Variants in UBR1 observed in about 807,000 individuals in gnomAD.
UBR1 encodes E3 ubiquitin-protein ligase UBR1.
In UBR1, 102 loss-of-function variants were observed where a neutral mutation model predicts 242.1. That is an observed-to-expected ratio of 0.42 (90% CI 0.36 to 0.50). The LOEUF (loss-of-function observed/expected upper bound fraction) is 0.50. UBR1 is among the 20% of genes least tolerant of loss of function. The pLI is 0.01. For missense variants in UBR1, 1,772 were observed against 2,101.8 expected (o/e 0.84, Z 3.07); for synonymous variants, 675 against 684.8 (o/e 0.99, Z 0.22).
chr15:42,988,911 T>C lies in UBR1; in HGVS notation c.3905A>G (p.Tyr1302Cys), dbSNP rs2032515198. The change falls in exon 35 of 47, where the codon TAT (tyrosine) becomes TGT (cysteine). Residue 1302 changes from tyrosine (Y) to cysteine (C), a missense_variant. This residue lies in a region of UBR1 where 965 missense variants were observed against 1,079.7 expected (regional missense o/e 0.89). Coordinates refer to ENST00000290650, the MANE Select transcript of UBR1 (RefSeq NM_174916.3). ...AGGTGGCACTTTCAATCCAATTCTA[T>C]AAATTGTTGTGGCAAAGAGAATAAC... ...EMVILFATTI[Y>C]RIGLKVPPDE... 6.2e-7 allele frequency: 1 copy of C among 1,612,678 alleles called. No individual in the cohort carries two copies. The highest frequency in any genetic ancestry group is 8.5e-7 in the Non-Finnish European group (1 of 1,178,748).
chr15:42,995,188 T>TA (rs564089609), intron 33 of UBR1, among the ~76,000 whole-genome samples: 98 of 152,154 alleles, frequency 6.4e-4, no homozygotes, highest in African/African-American at 2.2e-3. Flanking sequence ...AAAATAACAA[T>TA]AAAAAAACTG....
chr15:43,044,601 A>AT (rs2033460482), intron 14 of UBR1, among the ~76,000 whole-genome samples: 1 of 152,198 alleles, frequency 6.6e-6, no homozygotes, highest in Non-Finnish European at 1.5e-5. Flanking sequence ...GGTTTTAGAA[A>AT]TTCAGTAGCG....
At chr15:43,042,800 T>G (rs1178212623) in intron 15 of UBR1, among the ~76,000 whole-genome samples, 1 of 152,174 alleles carries the variant, frequency 6.6e-6, no homozygotes, top group Non-Finnish European at 1.5e-5. Flanking sequence ...AATGGCCAAT[T>G]TACATGGAAA....
chr15:43,104,642 A>G (rs1435723873), intron 1 of UBR1, among the ~76,000 whole-genome samples: 1 of 151,968 alleles, frequency 6.6e-6, no homozygotes, highest in Non-Finnish European at 1.5e-5. Flanking sequence ...CTCATGCCGT[A>G]GCTCCCTCTG....
intron 27 of UBR1, 69 bp from the exon 28 acceptor site, chr15:43,017,250 C>T (rs941527776): frequency 1.9e-6 from 2 of 1,076,956 alleles, no homozygotes; most frequent in African/African-American, 3.1e-5. Flanking sequence ...CAGAAACATT[C>T]ACTAATCTGA....
Position 43,067,897 on chromosome 15 carries a change from C to A in UBR1, c.798+1G>T. On this transcript the variant is annotated splice_donor_variant, in intron 6 of 46. Coordinates refer to ENST00000290650, the MANE Select transcript of UBR1 (RefSeq NM_174916.3). LOFTEE classifies it high-confidence loss of function. ...ACGCAATTCAAAAGGAGACCACAAA[C>A]CTCTTTGTCAATGGCAGTGGTATGC... The A allele has an allele frequency of 6.2e-7, 1 of 1,614,018 alleles. No homozygotes were observed. Among genetic ancestry groups the A allele is most frequent in the Non-Finnish European group, 8.5e-7 (1 of 1,180,002 alleles).
chr15:42,991,040 C>T (rs936198433), intron 33 of UBR1, among the ~76,000 whole-genome samples: 1 of 151,562 alleles, frequency 6.6e-6, no homozygotes, highest in African/African-American at 2.4e-5. Flanking sequence ...TTTGGGAGGC[C>T]GCAGTGAGAG....
intron 39 of UBR1, among the ~76,000 whole-genome samples, chr15:42,974,573 T>C (rs937453448): frequency 6.6e-6 from 1 of 152,200 alleles, no homozygotes; most frequent in Non-Finnish European, 1.5e-5. Flanking sequence ...CATATATACT[T>C]CATGTATTTA....
At chr15:43,000,850 T>A (rs989040311) in intron 32 of UBR1, among the ~76,000 whole-genome samples, 1 of 152,226 alleles carries the variant, frequency 6.6e-6, no homozygotes, top group Non-Finnish European at 1.5e-5. Context: ...TTATTTATTT[T>A]TGACACAGAG....
chr15:43,094,156 G>A (rs1004915999), intron 1 of UBR1, among the ~76,000 whole-genome samples: 1 of 152,070 alleles, frequency 6.6e-6, no homozygotes, highest in Non-Finnish European at 1.5e-5. Flanking sequence ...TTCTGAAAAG[G>A]CGTGGTGGCT....
At position 43,074,972 on chromosome 15, in the gene UBR1, T is replaced by C; in HGVS notation, c.528+7A>G. On this transcript the variant is annotated splice_region_variant and intron_variant, in intron 4 of 46. Coordinates refer to ENST00000290650, the MANE Select transcript of UBR1 (RefSeq NM_174916.3). ...GTTAACAATTTTTAACAAAATAGCA[T>C]TCTTACCTCTTTTATAGTACCTGCT... The C allele has an allele frequency of 1.2e-6, 2 of 1,600,244 alleles. No individual in the cohort carries two copies. Among genetic ancestry groups the C allele is most frequent in the Non-Finnish European group, 1.7e-6 (2 of 1,167,296 alleles).
chr15:43,029,036 G>A (rs1209797403), intron 21 of UBR1, among the ~76,000 whole-genome samples: 2 of 152,152 alleles, frequency 1.3e-5, no homozygotes, highest in Admixed American at 6.5e-5. Context: ...AGTGAGCCAA[G>A]ATTGTGCCAC....
intron 3 of UBR1, among the ~76,000 whole-genome samples, chr15:43,076,389 G>A (rs1264858693): frequency 1.3e-5 from 2 of 152,148 alleles, no homozygotes; most frequent in African/African-American, 4.8e-5. Context: ...TGCAGCCTCT[G>A]CACGGCCGCC....
intron 15 of UBR1, among the ~76,000 whole-genome samples, chr15:43,038,434 G>A (rs545166765): frequency 3.3e-5 from 5 of 152,058 alleles, no homozygotes; most frequent in East Asian, 1.9e-4. Context: ...CATGGTGAAA[G>A]CCCGTCTCTA....
intron 20 of UBR1, 28 bp from the exon 21 acceptor site, chr15:43,030,096 A>G: frequency 6.2e-7 from 1 of 1,606,640 alleles, no homozygotes; most frequent in South Asian, 1.1e-5. Context: ...AAACAAAAAA[A>G]AAGTAGAATA....
intron 35 of UBR1, among the ~76,000 whole-genome samples, chr15:42,985,645 G>A (rs573988280): frequency 1.3e-3 from 199 of 152,208 alleles, no homozygotes; most frequent in African/African-American, 4.5e-3. Context: ...GAGCCACTGC[G>A]CCCGACCTCG....
In UBR1 at chr15:43,102,336, C is replaced by T. The variant is rs560097196; in HGVS notation, c.81+3606G>A. On this transcript the variant is annotated intron_variant, in intron 1 of 46. Coordinates refer to ENST00000290650, the MANE Select transcript of UBR1 (RefSeq NM_174916.3). ...TTACAGCAGCAACTTCTTAATTGCT[C>T]CCACTGTTTGAAACACCAGACATCC... Among the ~76,000 whole-genome samples, 5 of 152,262 alleles carry T rather than the reference C, an allele frequency of 3.3e-5. No homozygotes were observed. The South Asian group carries it at 1.0e-3, about 32-fold the overall frequency.
rs182824769 is a variant in UBR1 at position 43,025,953 on chromosome 15, G to A, written c.2536-524C>T. The A allele has an allele frequency of 1.7e-3, 270 of 157,298 alleles. 1 individual carries two copies. Among genetic ancestry groups the A allele is most frequent in the Non-Finnish European group, 3.2e-3 (226 of 71,452 alleles). The allele number at this position is 157,298 out of a possible 1,614,324, so 9.7% of individuals were successfully genotyped here. A position where few individuals can be genotyped will look rare whatever the true frequency, so the allele number is the denominator to read the frequency against. On this transcript the variant is annotated intron_variant, in intron 23 of 46. Coordinates refer to ENST00000290650, the MANE Select transcript of UBR1 (RefSeq NM_174916.3). ...TCTAAATTAAAGGAAACTATTGGCCGGGCGAGGTGGCTCACGCCTGTAATC... is the reference window on the plus strand; with the variant it reads ...TCTAAATTAAAGGAAACTATTGGCCAGGCGAGGTGGCTCACGCCTGTAATC...
chr15:43,056,731 G>A (rs1180213409), intron 10 of UBR1, among the ~76,000 whole-genome samples: 1 of 152,046 alleles, frequency 6.6e-6, no homozygotes, highest in Admixed American at 6.6e-5. Flanking sequence ...AAAAACAGAG[G>A]ACTGCAATGG....
Sources: gnomAD v4.1 joint callset for allele counts (sites outside exome capture counted in the v4.1 genomes callset) on GRCh38, gnomAD v4.1.1 for gene constraint, gnomAD v4.1.1 regional missense constraint, MANE v1.5 for transcripts, NCBI Gene and HGNC (gene_info 2026-07-23, HGNC 2026-07-21) for gene names.